The following CDH8 variants were observed in gnomAD, a reference collection of about 807,000 sequenced individuals.
CDH8 encodes the protein cadherin 8, also known as cadherin-8.
CDH8 carries 17 observed loss-of-function variants against 68.1 expected under a neutral mutation model. The observed-to-expected ratio is 0.25, with a 90% CI of 0.17 to 0.37. The LOEUF is 0.37. CDH8 is among the 10% of genes least tolerant of loss of function. The pLI, the probability that CDH8 is intolerant of heterozygous loss-of-function variation, is 1.00. For synonymous variants in CDH8, 372 were observed against 365.1 expected (o/e 1.02, Z -0.21); for missense variants, 763 against 999.3 (o/e 0.76, Z 3.19).
chr16:61,731,927 T>C (rs2142904200), intron 8 of CDH8, among the ~76,000 whole-genome samples: 1 of 151,350 alleles, frequency 6.6e-6, no homozygotes, highest in South Asian at 2.1e-4. Context: ...AAGACAGAAA[T>C]TATTAAAAAG....
chr16:62,023,697 C>T (rs1216825947), intron 1 of CDH8, among the ~76,000 whole-genome samples: 1 of 152,090 alleles, frequency 6.6e-6, no homozygotes, highest in East Asian at 1.9e-4. Flanking sequence ...ACGCAAAGAT[C>T]TTCCCTATGG....
intron 2 of CDH8, among the ~76,000 whole-genome samples, chr16:61,902,673 T>C (rs1174358534): frequency 6.6e-6 from 1 of 151,792 alleles, no homozygotes; most frequent in Non-Finnish European, 1.5e-5. Flanking sequence ...GAACAGCCTC[T>C]TTCACGTTCT....
chr16:61,991,696 A>G (rs1965724283), intron 2 of CDH8, among the ~76,000 whole-genome samples: 1 of 152,214 alleles, frequency 6.6e-6, no homozygotes, highest in Admixed American at 6.5e-5. Flanking sequence ...CTTGGAAGTT[A>G]TCCAAGATCT....
At chr16:61,659,761 T>G (rs1011692252) in intron 10 of CDH8, among the ~76,000 whole-genome samples, 1 of 151,974 alleles carries the variant, frequency 6.6e-6, no homozygotes, top group African/African-American at 2.4e-5. Flanking sequence ...AGCCAATAGC[T>G]CAGGATTTTG....
At chr16:61,929,490 C>T (rs1964507526) in intron 2 of CDH8, among the ~76,000 whole-genome samples, 1 of 152,108 alleles carries the variant, frequency 6.6e-6, no homozygotes, top group South Asian at 2.1e-4. Flanking sequence ...ATGAAGAGAC[C>T]TATTATACTG....
At chr16:61,731,183 C>T (rs1959526275) in intron 8 of CDH8, among the ~76,000 whole-genome samples, 1 of 151,632 alleles carries the variant, frequency 6.6e-6, no homozygotes, top group Middle Eastern at 3.2e-3. Flanking sequence ...TAAGTGTAAA[C>T]TCAAAACACT....
chr16:61,825,791 C>A (rs1241219419), intron 4 of CDH8, among the ~76,000 whole-genome samples: 1 of 151,580 alleles, frequency 6.6e-6, no homozygotes. Context: ...GTAAAAGTAG[C>A]AAATAGTTTA....
intron 7 of CDH8, among the ~76,000 whole-genome samples, chr16:61,803,762 A>T (rs1454772010): frequency 2.1e-5 from 3 of 144,232 alleles, no homozygotes; most frequent in African/African-American, 8.0e-5. Flanking sequence ...CAACAAGAAG[A>T]GCTAACTATC....
chr16:61,999,703 C>T (rs936661324), intron 2 of CDH8, among the ~76,000 whole-genome samples: 16 of 151,778 alleles, frequency 1.1e-4, no homozygotes, highest in African/African-American at 3.9e-4. Flanking sequence ...TATCGCTTTC[C>T]GTGTGTCTCT....
At chr16:61,738,050 A>G (rs1959751900) in intron 8 of CDH8, among the ~76,000 whole-genome samples, 2 of 152,298 alleles carry the variant, frequency 1.3e-5, no homozygotes, top group South Asian at 4.1e-4. Flanking sequence ...AACAAAGCTT[A>G]TAAGTTATAG....
At chr16:61,784,805 A>C (rs1011843508) in intron 8 of CDH8, among the ~76,000 whole-genome samples, 1 of 152,042 alleles carries the variant, frequency 6.6e-6, no homozygotes, top group African/African-American at 2.4e-5. Flanking sequence ...GCTCAACTAC[A>C]TGGAAACTGA....
chr16:61,753,242 T>TC (rs200742882), intron 8 of CDH8, among the ~76,000 whole-genome samples: 1,574 of 151,148 alleles, frequency 0.01, 8 homozygotes, highest in Middle Eastern at 0.017. Flanking sequence ...TTTCTTTCTT[T>TC]TTTTTTTTTT....
chr16:61,941,383 A>G (rs1255011925), intron 2 of CDH8, among the ~76,000 whole-genome samples: 3 of 152,198 alleles, frequency 2.0e-5, no homozygotes, highest in Non-Finnish European at 4.4e-5. Flanking sequence ...AAAGCGTCAT[A>G]TTCTCCCTTG....
At chr16:61,663,459 T>A (rs188142126) in intron 10 of CDH8, among the ~76,000 whole-genome samples, 1 of 152,000 alleles carries the variant, frequency 6.6e-6, no homozygotes, top group Admixed American at 6.6e-5. Flanking sequence ...AAATAGATAC[T>A]GTTAAATAAA....
intron 8 of CDH8, among the ~76,000 whole-genome samples, chr16:61,778,917 A>T (rs1461204887): frequency 6.6e-6 from 1 of 152,160 alleles, no homozygotes; most frequent in East Asian, 1.9e-4. Flanking sequence ...CATGCTAGGA[A>T]AAAACAATCC....
At chr16:61,948,085 C>A (rs1401645817) in intron 2 of CDH8, among the ~76,000 whole-genome samples, 1 of 152,146 alleles carries the variant, frequency 6.6e-6, no homozygotes, top group Non-Finnish European at 1.5e-5. Context: ...ACACAAAAAT[C>A]AATCAATCAT....
At chr16:61,979,518 T>C (rs1342412611) in intron 2 of CDH8, among the ~76,000 whole-genome samples, 1 of 152,184 alleles carries the variant, frequency 6.6e-6, no homozygotes. Flanking sequence ...AACCTAGGCA[T>C]CCTTATAAAC....
At chr16:61,660,127 A>T (rs1341301827) in intron 10 of CDH8, among the ~76,000 whole-genome samples, 6 of 152,160 alleles carry the variant, frequency 3.9e-5, no homozygotes, top group Non-Finnish European at 7.3e-5. Flanking sequence ...GACTTCACTA[A>T]AACAACCCAG....
intron 4 of CDH8, among the ~76,000 whole-genome samples, chr16:61,851,432 G>A (rs1962935679): frequency 6.6e-6 from 1 of 152,044 alleles, no homozygotes; most frequent in Non-Finnish European, 1.5e-5. Context: ...AGTTTAGGCT[G>A]TTCTGAAACT....
Sources: allele counts gnomAD v4.1 joint callset (sites outside exome capture counted in the v4.1 genomes callset), GRCh38; gene constraint gnomAD v4.1.1; transcripts MANE v1.5; gene names NCBI Gene and HGNC (gene_info 2026-07-23, HGNC 2026-07-21).